MYRFL: variants seen among roughly 807,000 people sequenced by gnomAD.
MYRFL encodes myelin regulatory factor-like protein.
Under a neutral mutation model 109.4 loss-of-function variants are expected in MYRFL, and 88 were observed. The observed-to-expected ratio is 0.80, with a 90% CI of 0.68 to 0.96. MYRFL has a LOEUF of 0.96. Among genes scored for constraint, MYRFL ranks in the 40% least tolerant of loss-of-function variants. The pLI is 0.00. For synonymous variants in MYRFL, 324 were observed against 320.9 expected (o/e 1.01, Z -0.10); for missense variants, 957 against 954.9 (o/e 1.00, Z -0.03).
At chr12:69,847,433 C>T (rs987921592) in intron 1 of MYRFL, among the ~76,000 whole-genome samples, 2 of 152,026 alleles carry the variant, frequency 1.3e-5, no homozygotes, top group African/African-American at 2.4e-5. Flanking sequence ...CAGAGATGAA[C>T]TTCTTTTATA....
At chr12:69,851,376 G>A (rs946528812) in intron 1 of MYRFL, among the ~76,000 whole-genome samples, 2 of 152,186 alleles carry the variant, frequency 1.3e-5, no homozygotes, top group East Asian at 1.9e-4. Context: ...GCTGAATACC[G>A]AGGCTTAAAC....
chr12:69,953,682 T>C (rs1023253347), intron 21 of MYRFL, among the ~76,000 whole-genome samples: 4 of 151,970 alleles, frequency 2.6e-5, no homozygotes, highest in Non-Finnish European at 5.9e-5. Context: ...TGGGAGGATC[T>C]TTTGAGCCCA....
Position 69,926,721 on chromosome 12 carries a change from G to A in MYRFL, c.1753G>A (p.Ala585Thr). ...LSSWKSSASEASTISKSSRAV... is the reference protein window; with the variant it reads ...LSSWKSSASETSTISKSSRAV... ...TAGTTGGAAGTCATCAGCCAGTGAA[G>A]CAAGCACAATCAGGTACGTGCAGCC... Residue 585 changes from alanine (A) to threonine (T), a missense_variant, in exon 14 of 25, where the codon GCA becomes ACA. Coordinates refer to ENST00000552032, the MANE Select transcript of MYRFL (RefSeq NM_182530.3). 2 of 1,496,220 alleles carry A rather than the reference G, an allele frequency of 1.3e-6. No homozygotes were observed. Among genetic ancestry groups the A allele is most frequent in the South Asian group, 2.6e-5 (2 of 76,672 alleles). 92.7% of individuals were successfully genotyped at this position (1,496,220 alleles called of 1,614,324 possible).
At chr12:69,913,988 T>C (rs1367454786) in intron 13 of MYRFL, among the ~76,000 whole-genome samples, 1 of 152,214 alleles carries the variant, frequency 6.6e-6, no homozygotes, top group Non-Finnish European at 1.5e-5. Context: ...CAATGGTTTA[T>C]AGTTTTTATT....
intron 1 of MYRFL, among the ~76,000 whole-genome samples, chr12:69,826,563 C>G (rs1471525775): frequency 4.6e-5 from 7 of 152,058 alleles, no homozygotes; most frequent in African/African-American, 1.7e-4. Flanking sequence ...GGTCTACCTT[C>G]TGTTTTTTGA....
At position 69,880,276 on chromosome 12, in the gene MYRFL, C is replaced by G. The variant is rs754643090; in HGVS notation, c.540C>G (p.Ala180=). 3 of 702,654 alleles carry G rather than the reference C, an allele frequency of 4.3e-6. No individual in the cohort carries two copies. In the East Asian group the frequency reaches 8.0e-5, roughly 19 times the overall value. The allele number at this position is 702,654 out of a possible 1,614,324, so 43.5% of individuals were successfully genotyped here. The stretch of plus-strand genomic sequence containing the variant: ...ACTCCGGGGAATGCCGAGTGTGGGC[C>G]TGCCACTGCAGACCGAGTGAGCAAA... ...LEDSGECRVW[A]CHCRPMTSRS... The change falls in exon 5 of 25, where the codon GCC becomes GCG. Residue 180 remains alanine, a synonymous_variant. Coordinates refer to ENST00000552032, the MANE Select transcript of MYRFL (RefSeq NM_182530.3).
At position 69,926,775 on chromosome 12, in the gene MYRFL, A is replaced by G. The variant is rs968115004; in HGVS notation, c.1766+41A>G. The G allele has an allele frequency of 8.5e-5, 117 of 1,370,192 alleles. No individual in the cohort carries two copies. In the African/African-American group the frequency reaches 1.5e-3, roughly 18 times the overall value. 84.9% of individuals were successfully genotyped at this position (1,370,192 alleles called of 1,614,324 possible). On this transcript the variant is annotated intron_variant, in intron 14 of 24. Coordinates refer to ENST00000552032, the MANE Select transcript of MYRFL (RefSeq NM_182530.3). Reference sequence around the variant, plus strand: ...ATTGCCATAGAAATTTGGGGAAAGGAGAGAGTGAGCTCTTTCCAGAATAAG... The same window carrying G: ...ATTGCCATAGAAATTTGGGGAAAGGGGAGAGTGAGCTCTTTCCAGAATAAG...
intron 2 of MYRFL, among the ~76,000 whole-genome samples, chr12:69,859,300 A>T (rs1884493450): frequency 6.6e-6 from 1 of 152,158 alleles, no homozygotes; most frequent in Admixed American, 6.6e-5. Flanking sequence ...ATGCACTTGG[A>T]AGAATGCTCA....
At chr12:69,922,029 T>A (rs1954929433) in intron 13 of MYRFL, among the ~76,000 whole-genome samples, 1 of 151,820 alleles carries the variant, frequency 6.6e-6, no homozygotes, top group Non-Finnish European at 1.5e-5. Context: ...AAAAAAAGAG[T>A]ATCAGTAGTG....
intron 22 of MYRFL, among the ~76,000 whole-genome samples, chr12:69,956,564 CCCTT>C (rs1470196251): frequency 6.6e-6 from 1 of 152,014 alleles, no homozygotes; most frequent in Non-Finnish European, 1.5e-5. Context: ...CTTTCTTCTT[CCCTT>C]CCTTTTCTAT....
At chr12:69,851,526 T>C (rs1029487051) in intron 1 of MYRFL, among the ~76,000 whole-genome samples, 7 of 152,218 alleles carry the variant, frequency 4.6e-5, no homozygotes, top group African/African-American at 9.6e-5. Flanking sequence ...CCCCACAAAT[T>C]ATAAAAGGAG....
rs1022766928 is a variant in MYRFL at position 69,863,368 on chromosome 12, T to C, written c.137+7998T>C. The stretch of plus-strand genomic sequence containing the variant: ...ACCTCTGGTAGAATTCGGCTGTGAA[T>C]CCATCTGGTCCTGGACTCTTTTTGG... On this transcript the variant is annotated intron_variant, in intron 2 of 24. Transcript: ENST00000552032. Among the ~76,000 whole-genome samples, 53 of 152,324 alleles carry C rather than the reference T, an allele frequency of 3.5e-4. 1 individual carries two copies. The highest frequency in any genetic ancestry group is 5.8e-4 in the East Asian group (3 of 5,184).
At chr12:69,854,346 G>GGAGGGAGAGGGAGAGGGA (rs138931391) in intron 1 of MYRFL, among the ~76,000 whole-genome samples, 2 of 141,664 alleles carry the variant, frequency 1.4e-5, no homozygotes, top group African/African-American at 5.3e-5. Flanking sequence ...AGGGGGAGGG[G>GGAGGGAGAGGGAGAGGGA]GAGGGAGAGG....
chr12:69,935,381 G>A (rs992781538), intron 16 of MYRFL, among the ~76,000 whole-genome samples: 1 of 152,160 alleles, frequency 6.6e-6, no homozygotes. Context: ...TTGTGAGAGG[G>A]TTCTGAAGAT....
At chr12:69,866,898 T>C (rs574690549) in intron 2 of MYRFL, among the ~76,000 whole-genome samples, 1 of 152,372 alleles carries the variant, frequency 6.6e-6, no homozygotes, top group South Asian at 2.1e-4. Flanking sequence ...TGAGTGTTTT[T>C]ACTGCAGGAC....
chr12:69,948,143 C>T (rs544668745), intron 19 of MYRFL, among the ~76,000 whole-genome samples: 1 of 152,252 alleles, frequency 6.6e-6, no homozygotes, highest in African/African-American at 2.4e-5. Flanking sequence ...TTTATGACTT[C>T]CTGTATGACT....
At chr12:69,862,941 T>C (rs1241762738) in intron 2 of MYRFL, among the ~76,000 whole-genome samples, 1 of 152,192 alleles carries the variant, frequency 6.6e-6, no homozygotes, top group Non-Finnish European at 1.5e-5. Flanking sequence ...CCTAATTTAT[T>C]GAGAGTTTTT....
chr12:69,952,893 A>T lies in MYRFL; in HGVS notation c.2375+7A>T. 1 of 1,525,030 alleles carries T rather than the reference A, an allele frequency of 6.6e-7. No homozygotes were observed. The highest frequency in any genetic ancestry group is 8.8e-7 in the Non-Finnish European group (1 of 1,138,796). 94.5% of individuals were successfully genotyped at this position (1,525,030 alleles called of 1,614,324 possible). On this transcript the variant is annotated splice_region_variant and intron_variant, in intron 21 of 24. Transcript: ENST00000552032. Reference sequence around the variant, plus strand: ...TTCAAAGCCTCCAGTGCGGGTAGGTAAGCCTCCCCAGCATGCCCTGGTTGT... The same window carrying T: ...TTCAAAGCCTCCAGTGCGGGTAGGTTAGCCTCCCCAGCATGCCCTGGTTGT...
At chr12:69,831,560 T>C (rs1185727509) in intron 1 of MYRFL, among the ~76,000 whole-genome samples, 1 of 152,214 alleles carries the variant, frequency 6.6e-6, no homozygotes, top group African/African-American at 2.4e-5. Flanking sequence ...TTCATAAGGC[T>C]CTGCAGGCCT....
Sources: gnomAD v4.1 joint callset for allele counts (sites outside exome capture counted in the v4.1 genomes callset) on GRCh38, gnomAD v4.1.1 for gene constraint, MANE v1.5 for transcripts, NCBI Gene and HGNC (gene_info 2026-07-23, HGNC 2026-07-21) for gene names.